SLC12A7: variants seen among roughly 807,000 people sequenced by gnomAD.
The protein encoded by SLC12A7 is solute carrier family 12 member 7, also known as K-Cl cotransporter 4.
Under a neutral mutation model 120.6 loss-of-function variants are expected in SLC12A7, and 100 were observed. The ratio of observed to expected loss-of-function variants is 0.83; its 90% CI spans 0.71 to 0.98. The LOEUF (loss-of-function observed/expected upper bound fraction) is 0.98, where lower values mean the gene tolerates loss of function less well. Ranked by LOEUF, SLC12A7 falls within the 50% of genes least tolerant of loss-of-function variation. The pLI is 0.00. For missense variants in SLC12A7, 1,373 were observed against 1,548.1 expected, an observed-to-expected ratio of 0.89 and a Z score of 1.90; for synonymous variants, 760 against 678.0, an observed-to-expected ratio of 1.12 and a Z score of -1.88.
rs141375965 is a variant in SLC12A7 at position 1,104,576 on chromosome 5, A to T, written c.124+7292T>A. ...TTCCCAGAGCCACTGTAACCACTAC[A>T]GTGGATGGCAATCTGACTCCAGGGG... On this transcript the variant is annotated intron_variant, in intron 1 of 23. Transcript: ENST00000264930. 9.2e-5 allele frequency among the ~76,000 whole-genome samples: 14 copies of T among 152,284 alleles called. 1 individual carries two copies. The highest frequency in any genetic ancestry group is 3.4e-4 in the African/African-American group (14 of 41,566).
At position 1,081,625 on chromosome 5, in the gene SLC12A7, C is replaced by T. The variant is rs148814424; in HGVS notation, c.1249G>A (p.Ala417Thr). The change falls in exon 9 of 24, where the codon GCG becomes ACG. Residue 417 changes from alanine (A) to threonine (T), a missense_variant. By Grantham distance (58) the Ala-to-Thr change is moderately conservative. Transcript: ENST00000264930. Reference protein sequence around the residue: ...SALPYVLTDIAASFTLLVGIY... With the variant: ...SALPYVLTDITASFTLLVGIY... The stretch of plus-strand genomic sequence containing the variant: ...CCAACCAGCAGGGTGAAGGAGGCCG[C>T]GATGTCGGTGAGCACGTAGGGCAGT... The T allele has an allele frequency of 1.1e-3, 1,754 of 1,611,242 alleles. 5 individuals carry two copies. The highest frequency in any genetic ancestry group is 3.7e-3 in the Admixed American group (219 of 59,988).
chr5:1,154,532 TAGAC>T, the SLC12A7 span, among the ~76,000 whole-genome samples: 11 of 151,528 alleles, frequency 7.3e-5, 4 homozygotes, highest in Admixed American at 7.2e-4. Flanking sequence ...AGCACACACA[TAGAC>T]ACACACACGG....
chr5:1,085,887 G>A (rs1181821046), intron 6 of SLC12A7, among the ~76,000 whole-genome samples: 2 of 152,216 alleles, frequency 1.3e-5, no homozygotes, highest in Non-Finnish European at 2.9e-5. Flanking sequence ...AGAGAGCTCG[G>A]CCCACCCCGG....
the SLC12A7 span, among the ~76,000 whole-genome samples, chr5:1,145,751 G>C: frequency 6.6e-6 from 1 of 152,136 alleles, no homozygotes; most frequent in South Asian, 2.1e-4. The surrounding 1 kb of genome is among the most constrained non-coding windows in gnomAD (Gnocchi z 4.4). Context: ...CCAGGATCAA[G>C]CGCCTCTGTC....
rs1554021168 is a variant in SLC12A7 at position 1,095,001 on chromosome 5, A to AGGGTCGGTAGGAGGCGGG, written c.125-754_125-753insCCCGCCTCCTACCGACCC. ...GGCCCATGTGACGGTGTTAGAAGAT[A>AGGGTCGGTAGGAGGCGGG]GGGTCGGTAGGAGGTGGGGGCGGTA... On this transcript the variant is annotated intron_variant, in intron 1 of 23. Coordinates refer to ENST00000264930, the MANE Select transcript of SLC12A7 (RefSeq NM_006598.3). Among the ~76,000 whole-genome samples the AGGGTCGGTAGGAGGCGGG allele has an allele frequency of 3.0e-4, 13 of 43,612 alleles. No individual in the cohort carries two copies. The East Asian group carries it at 5.3e-3, about 18-fold the overall frequency. 28.6% of individuals were successfully genotyped at this position (43,612 alleles called of 152,430 possible). A position where few individuals can be genotyped will look rare whatever the true frequency, so the allele number is the denominator to read the frequency against.
chr5:1,135,592 A>C, the SLC12A7 span, among the ~76,000 whole-genome samples: 6 of 152,204 alleles, frequency 3.9e-5, no homozygotes, highest in Non-Finnish European at 2.9e-5. Context: ...CTCCAAAACA[A>C]GTCTAGGGCG....
chr5:1,130,622 G>GCTGCCCGC, the SLC12A7 span, among the ~76,000 whole-genome samples: 21 of 151,698 alleles, frequency 1.4e-4, no homozygotes, highest in Admixed American at 3.9e-4. Flanking sequence ...AGCCAGGGTG[G>GCTGCCCGC]GGGCAGCAGG....
the SLC12A7 span, among the ~76,000 whole-genome samples, chr5:1,121,781 C>T: frequency 6.6e-6 from 1 of 152,172 alleles, no homozygotes; most frequent in Non-Finnish European, 1.5e-5. Context: ...TGGGTCAGCC[C>T]CGGAGCCGCG....
intron 10 of SLC12A7, 53 bp from the exon 11 acceptor site, chr5:1,078,811 C>CGGGGGGTGGGGTGGG: frequency 7.6e-6 from 1 of 132,302 alleles, no homozygotes; most frequent in Non-Finnish European, 1.3e-5. Context: ...TCCTCAGGTA[C>CGGGGGGTGGGGTGGG]GGGGGGTGGG....
Position 1,098,722 on chromosome 5 carries a change from GCTCA to G in SLC12A7, c.125-4478_125-4475del, listed in dbSNP as rs1361455221. ...ACACCCAGCCCCCCTCTAACCCTCT[GCTCA>G]CCCAGCCCCCCTCTAACCCTCTGCA... On this transcript the variant is annotated intron_variant, in intron 1 of 23. Transcript: ENST00000264930. Among the ~76,000 whole-genome samples the G allele has an allele frequency of 4.0e-4, 40 of 99,764 alleles. 8 individuals carry two copies. The highest frequency in any genetic ancestry group is 1.6e-3 in the African/African-American group (38 of 23,164). 65.4% of individuals were successfully genotyped at this position (99,764 alleles called of 152,430 possible). A position where few individuals can be genotyped will look rare whatever the true frequency, so the allele number is the denominator to read the frequency against.
intron 12 of SLC12A7, among the ~76,000 whole-genome samples, chr5:1,077,512 G>A (rs541194401): frequency 6.6e-6 from 1 of 152,334 alleles, no homozygotes; most frequent in South Asian, 2.1e-4. Flanking sequence ...AGAGAAAGAT[G>A]TGGCAGGCAG....
At chr5:1,079,147 G>T (rs563373427) in intron 10 of SLC12A7, among the ~76,000 whole-genome samples, 62 of 152,266 alleles carry the variant, frequency 4.1e-4, no homozygotes, top group Non-Finnish European at 7.2e-4. Context: ...ACACCGCTGC[G>T]CATCACTGTC....
In SLC12A7 at chr5:1,087,010, A is replaced by G. The variant is rs777472106; in HGVS notation, c.568T>C (p.Ser190Pro). The change falls in exon 6 of 24, where the codon TCG (serine) becomes CCG (proline). Residue 190 changes from serine (S) to proline (P), a missense_variant. By Grantham distance (74) the Ser-to-Pro change is moderately conservative. Transcript: ENST00000264930. ...VPAGGSYYMI[S>P]RSLGPEFGGA... ...CCAAACTCGGGTCCCAGCGAGCGCG[A>G]TATCATGTAGTAGGACCCGCCAGCT... is the stretch of plus-strand genomic sequence containing the variant. The G allele has an allele frequency of 5.6e-6, 9 of 1,612,654 alleles. No individual in the cohort carries two copies. The highest frequency in any genetic ancestry group is 7.6e-6 in the Non-Finnish European group (9 of 1,179,908).
intron 15 of SLC12A7, 132 bp from the exon 16 acceptor site, chr5:1,074,803 G>A: frequency 1.2e-6 from 1 of 839,764 alleles, no homozygotes; most frequent in South Asian, 1.6e-5. Flanking sequence ...GGATGAGGAG[G>A]GAGGCCTCCA....
chr5:1,108,890 C>T (rs935152770), intron 1 of SLC12A7, among the ~76,000 whole-genome samples: 3 of 152,304 alleles, frequency 2.0e-5, no homozygotes, highest in Admixed American at 6.5e-5. Context: ...CCTCTGTCAG[C>T]GGCCAGGGGC....
rs1192129018 is a variant in SLC12A7 at position 1,057,467 on chromosome 5, T to C, written c.3026+4A>G. The C allele has an allele frequency of 8.1e-6, 13 of 1,608,174 alleles. No homozygotes were observed. The highest frequency in any genetic ancestry group is 1.1e-5 in the Non-Finnish European group (13 of 1,178,410). On this transcript the variant is annotated splice_donor_region_variant and intron_variant, in intron 22 of 23. Coordinates refer to ENST00000264930, the MANE Select transcript of SLC12A7 (RefSeq NM_006598.3). ...CCCCCCAGGCCACACGCACGGACAC[T>C]CACGGCTTCATGCTGAAGAGGTCTT...
At chr5:1,109,987 A>G (rs891598472) in intron 1 of SLC12A7, among the ~76,000 whole-genome samples, 2 of 151,302 alleles carry the variant, frequency 1.3e-5, no homozygotes, top group East Asian at 3.9e-4. Flanking sequence ...CTTCTGCAGG[A>G]CCCCCGCCCC....
In SLC12A7 at chr5:1,079,582, G is replaced by A. The variant is rs150340252; in HGVS notation, c.1298-86C>T. Reference sequence around the variant, plus strand: ...CCCCTGCCCAGAAAGCTGGAAAGGCGGTCTCTGGGGAGACCCCGAGCGTGA... The same window carrying A: ...CCCCTGCCCAGAAAGCTGGAAAGGCAGTCTCTGGGGAGACCCCGAGCGTGA... On this transcript the variant is annotated intron_variant, in intron 9 of 23. Transcript: ENST00000264930. The A allele has an allele frequency of 2.4e-3, 2,687 of 1,124,494 alleles. 25 individuals are homozygous for A. The highest frequency in any genetic ancestry group is 0.023 in the African/African-American group (1,528 of 65,406). The allele number at this position is 1,124,494 out of a possible 1,614,324, so 69.7% of individuals were successfully genotyped here. A position where few individuals can be genotyped will look rare whatever the true frequency, so the allele number is the denominator to read the frequency against.
chr5:1,145,871 C>G, the SLC12A7 span, among the ~76,000 whole-genome samples: 4 of 152,040 alleles, frequency 2.6e-5, no homozygotes, highest in Non-Finnish European at 5.9e-5. This position sits in a 1 kb window ranked among gnomAD's most constrained non-coding sequence, Gnocchi z 4.4. Flanking sequence ...ATAAAATACA[C>G]ATAACATTTT....
Sources: allele counts gnomAD v4.1 joint callset (sites outside exome capture counted in the v4.1 genomes callset), GRCh38; gene constraint gnomAD v4.1.1; non-coding constraint Gnocchi (gnomAD v3.1); transcripts MANE v1.5; gene names NCBI Gene and HGNC (gene_info 2026-07-23, HGNC 2026-07-21).